Variants in RBFOX1 observed in about 807,000 individuals in gnomAD.
RBFOX1 encodes RNA binding fox-1 homolog 1, also known as RNA binding protein fox-1 homolog 1.
Under a neutral mutation model 57.7 loss-of-function variants are expected in RBFOX1, and 8 were observed. The ratio of observed to expected loss-of-function variants is 0.14; its 90% CI spans 0.08 to 0.25. The LOEUF (loss-of-function observed/expected upper bound fraction) is 0.25. RBFOX1 is among the 10% of genes least tolerant of loss of function. The pLI is 1.00. For synonymous variants in RBFOX1, 326 were observed against 222.4 expected (o/e 1.47, Z -4.15); for missense variants, 611 against 548.5 (o/e 1.11, Z -1.14).
rs137929400 is a variant in RBFOX1 at position 7,646,228 on chromosome 16, G to A, written c.758-7587G>A. On this transcript the variant is annotated intron_variant, in intron 11 of 15. Transcript: ENST00000550418. ...TTCTTCATTGTGATGTTCATTGCAC[G>A]ATGCCCTGCCTCGGAAATTGCTGCT... Among the ~76,000 whole-genome samples, 368 of 152,266 alleles carry A rather than the reference G, an allele frequency of 2.4e-3. 3 individuals are homozygous for A. The highest frequency in any genetic ancestry group is 8.6e-3 in the African/African-American group (359 of 41,546).
At chr16:6,459,484 T>C (rs1488006839) in intron 2 of RBFOX1, among the ~76,000 whole-genome samples, 1 of 152,184 alleles carries the variant, frequency 6.6e-6, no homozygotes, top group Non-Finnish European at 1.5e-5. Context: ...CTATTTGAAA[T>C]GGAAGACACC....
At chr16:7,550,125 C>T (rs762803053) in intron 5 of RBFOX1, among the ~76,000 whole-genome samples, 27 of 152,010 alleles carry the variant, frequency 1.8e-4, no homozygotes, top group Non-Finnish European at 3.1e-4. Flanking sequence ...AGATGGAGGT[C>T]TTTCTATGTT....
chr16:7,354,046 G>C (rs540746581), intron 4 of RBFOX1, among the ~76,000 whole-genome samples: 3 of 152,030 alleles, frequency 2.0e-5, no homozygotes, highest in East Asian at 1.9e-4. Context: ...ATCTGGGCTC[G>C]CTGCAACCTC....
In RBFOX1 at chr16:7,213,815, A is replaced by G. The variant is rs141349196; in HGVS notation, c.27+161717A>G. Among the ~76,000 whole-genome samples the G allele has an allele frequency of 7.9e-4, 121 of 152,312 alleles. 2 individuals are homozygous for G. In the Middle Eastern group the frequency reaches 0.014, roughly 17 times the overall value. On this transcript the variant is annotated intron_variant, in intron 4 of 15. Coordinates refer to ENST00000550418, the MANE Select transcript of RBFOX1 (RefSeq NM_018723.4). ...TTAATGTCAAAGCCAGTTATTCTTAATAGACTTCTCTGATGGATGAGGGTT... is the reference window on the plus strand; with the variant it reads ...TTAATGTCAAAGCCAGTTATTCTTAGTAGACTTCTCTGATGGATGAGGGTT...
intron 1 of RBFOX1, among the ~76,000 whole-genome samples, chr16:5,289,026 G>A (rs888353953): frequency 2.6e-5 from 4 of 152,216 alleles, no homozygotes; most frequent in African/African-American, 9.6e-5. Flanking sequence ...TCGGGAGGCT[G>A]AGGCAGGGGA....
At chr16:5,294,583 C>G (rs1419678212) in intron 1 of RBFOX1, among the ~76,000 whole-genome samples, 1 of 152,172 alleles carries the variant, frequency 6.6e-6, no homozygotes, top group Non-Finnish European at 1.5e-5. Context: ...AAGTCAGAAT[C>G]TTGTGGGTGG....
intron 2 of RBFOX1, among the ~76,000 whole-genome samples, chr16:5,476,888 G>C (rs905478121): frequency 6.6e-6 from 1 of 152,074 alleles, no homozygotes; most frequent in Non-Finnish European, 1.5e-5. Context: ...AGTTCTCCCA[G>C]TTATTCAAAT....
intron 3 of RBFOX1, among the ~76,000 whole-genome samples, chr16:6,708,971 C>G (rs540639496): frequency 1.4e-5 from 2 of 143,724 alleles, no homozygotes; most frequent in Admixed American, 7.4e-5. Flanking sequence ...TTAATTTCAG[C>G]AAGCTTTTCT....
chr16:7,202,471 T>G (rs2088827448), intron 4 of RBFOX1, among the ~76,000 whole-genome samples: 1 of 152,106 alleles, frequency 6.6e-6, no homozygotes, highest in South Asian at 2.1e-4. Flanking sequence ...CAATTCTTAT[T>G]CTGGATATAT....
chr16:5,306,359 A>G (rs546030172), intron 1 of RBFOX1, among the ~76,000 whole-genome samples: 1 of 148,974 alleles, frequency 6.7e-6, no homozygotes, highest in South Asian at 2.1e-4. Context: ...CACCCTTGTC[A>G]CCCAGGCTGT....
chr16:7,439,250 C>T (rs1468446576), intron 4 of RBFOX1, among the ~76,000 whole-genome samples: 1 of 152,124 alleles, frequency 6.6e-6, no homozygotes, highest in African/African-American at 2.4e-5. Flanking sequence ...ATCATATGAT[C>T]ATGCCCCAGT....
intron 3 of RBFOX1, among the ~76,000 whole-genome samples, chr16:6,889,887 T>A (rs2065014304): frequency 6.6e-6 from 1 of 152,198 alleles, no homozygotes; most frequent in African/African-American, 2.4e-5. Context: ...TTTTTGAGTT[T>A]TCTTTTAACA....
intron 2 of RBFOX1, among the ~76,000 whole-genome samples, chr16:6,580,671 A>G (rs1176951756): frequency 6.6e-6 from 1 of 152,208 alleles, no homozygotes; most frequent in East Asian, 1.9e-4. Flanking sequence ...AAACTCAGAC[A>G]TAAACCTGCA....
At chr16:7,045,893 G>C (rs577459323) in intron 3 of RBFOX1, among the ~76,000 whole-genome samples, 1 of 152,224 alleles carries the variant, frequency 6.6e-6, no homozygotes, top group Non-Finnish European at 1.5e-5. Flanking sequence ...CCTGACCTCA[G>C]ATGATCTGCC....
chr16:5,570,156 G>A (rs1461355383), intron 2 of RBFOX1, among the ~76,000 whole-genome samples: 1 of 152,126 alleles, frequency 6.6e-6, no homozygotes, highest in Non-Finnish European at 1.5e-5. Flanking sequence ...TTTATTGTTG[G>A]TTCTTCCTTA....
intron 1 of RBFOX1, among the ~76,000 whole-genome samples, chr16:6,141,388 T>C (rs1242857550): frequency 3.3e-5 from 5 of 152,154 alleles, no homozygotes; most frequent in African/African-American, 1.2e-4. Flanking sequence ...TCTTAGATTG[T>C]CTTTGATTTC....
chr16:5,842,151 G>C (rs916151584), intron 3 of RBFOX1, among the ~76,000 whole-genome samples: 9 of 152,200 alleles, frequency 5.9e-5, no homozygotes, highest in Non-Finnish European at 1.2e-4. Context: ...CTGAAATCAA[G>C]TTTAGACTTG....
At chr16:5,363,306 A>G (rs763519321) in intron 1 of RBFOX1, among the ~76,000 whole-genome samples, 7 of 152,006 alleles carry the variant, frequency 4.6e-5, no homozygotes, top group Non-Finnish European at 1.0e-4. Context: ...TGGTCTCCCA[A>G]AGTGGTGGGA....
chr16:6,250,633 G>A lies in RBFOX1; in HGVS notation c.-126-66362G>A, dbSNP rs550126889. Among the ~76,000 whole-genome samples, 9 of 152,208 alleles carry A rather than the reference G, an allele frequency of 5.9e-5. No homozygotes were observed. In the South Asian group the frequency reaches 1.0e-3, roughly 18 times the overall value. ...TTATGCTCTGGGAAGATTTGAGAGG[G>A]GTCATCCCTGTTTAGATTGGTTCTC... is the stretch of plus-strand genomic sequence containing the variant. On this transcript the variant is annotated intron_variant, in intron 1 of 15. Transcript: ENST00000550418.
Sources: allele counts gnomAD v4.1 joint callset (sites outside exome capture counted in the v4.1 genomes callset), GRCh38; gene constraint gnomAD v4.1.1; transcripts MANE v1.5; gene names NCBI Gene and HGNC (gene_info 2026-07-23, HGNC 2026-07-21).